The following ZNF536 variants were observed in gnomAD, a reference collection of about 807,000 sequenced individuals.
ZNF536 encodes zinc finger protein 536.
A neutral mutation model predicts 84.5 loss-of-function variants in ZNF536; 13 were observed. The observed-to-expected ratio is 0.15, with a 90% CI of 0.10 to 0.24. The LOEUF is 0.24. Among genes scored for constraint, ZNF536 ranks in the 10% least tolerant of loss-of-function variants. The probability of loss-of-function intolerance (pLI) is 1.00; values close to 1 mark genes in which losing one functional copy is unlikely to be tolerated. For synonymous variants in ZNF536, 811 were observed against 742.5 expected, an observed-to-expected ratio of 1.09 and a Z score of -1.50; for missense variants, 1,536 against 1,747.5, an observed-to-expected ratio of 0.88 and a Z score of 2.16.
rs137857853 is a variant in ZNF536, at chr19:30,686,654, C to T, written c.170-24103C>T. On this transcript the variant is annotated intron_variant, in intron 1 of 1. Coordinates refer to the ZNF536 transcript ENST00000592773. ...GGCGGGGAAGGAGCCCGCCGGCTCCCGCGGGCTGTCAGGTATCTGCGCGCG... is the reference window on the plus strand; with the variant it reads ...GGCGGGGAAGGAGCCCGCCGGCTCCTGCGGGCTGTCAGGTATCTGCGCGCG... Among the ~76,000 whole-genome samples, 1,113 of 152,282 alleles carry T rather than the reference C, an allele frequency of 7.3e-3. 10 individuals carry two copies. Among genetic ancestry groups the T allele is most frequent in the African/African-American group, 0.025 (1,048 of 41,572 alleles).
At chr19:30,533,602 G>A (rs757206468) in intron 2 of ZNF536, among the ~76,000 whole-genome samples, 1 of 152,144 alleles carries the variant, frequency 6.6e-6, no homozygotes. Flanking sequence ...TGTTAGCAGA[G>A]AACACCAGGA....
At chr19:30,432,759 T>C (rs573500063) in intron 1 of ZNF536, among the ~76,000 whole-genome samples, 1 of 152,318 alleles carries the variant, frequency 6.6e-6, no homozygotes, top group South Asian at 2.1e-4. Flanking sequence ...CTGCCTTTTC[T>C]AGCTGCGCAT....
chr19:30,624,128 G>A (rs1280481047), intron 1 of ZNF536, among the ~76,000 whole-genome samples: 1 of 152,102 alleles, frequency 6.6e-6, no homozygotes, highest in African/African-American at 2.4e-5. Context: ...TGCCTTGGGA[G>A]CCCTATAATA....
intron 1 of ZNF536, among the ~76,000 whole-genome samples, chr19:30,696,973 C>T (rs1291005162): frequency 6.6e-6 from 1 of 152,154 alleles, no homozygotes; most frequent in Non-Finnish European, 1.5e-5. Flanking sequence ...TGTGCTAGTC[C>T]ATTCTCACAC....
intron 2 of ZNF536, among the ~76,000 whole-genome samples, chr19:30,524,814 G>T (rs2044509193): frequency 6.6e-6 from 1 of 151,880 alleles, no homozygotes; most frequent in Admixed American, 6.6e-5. Flanking sequence ...CATCTTTTGG[G>T]AATTTATGCT....
At chr19:30,294,004 G>C (rs951890328) in intron 2 of ZNF536, among the ~76,000 whole-genome samples, 2 of 152,138 alleles carry the variant, frequency 1.3e-5, no homozygotes, top group African/African-American at 4.8e-5. Flanking sequence ...GTTGGTCTCT[G>C]CCTGCCTGGT....
chr19:30,231,787 A>C (rs1224608283), intron 1 of ZNF536, among the ~76,000 whole-genome samples: 2 of 151,698 alleles, frequency 1.3e-5, no homozygotes, highest in Non-Finnish European at 2.9e-5. Context: ...TGTGCTGGTG[A>C]TGGTGGTGGT....
intron 2 of ZNF536, among the ~76,000 whole-genome samples, chr19:30,348,930 A>G (rs1910078640): frequency 1.3e-5 from 2 of 152,116 alleles, no homozygotes; most frequent in Admixed American, 1.3e-4. Flanking sequence ...TGTATGAATC[A>G]AACACAATCC....
At chr19:30,542,809 A>T (rs2080836695) in intron 3 of ZNF536, among the ~76,000 whole-genome samples, 1 of 152,142 alleles carries the variant, frequency 6.6e-6, no homozygotes. Flanking sequence ...CCTCATAGAT[A>T]TGACACTTTT....
intron 3 of ZNF536, among the ~76,000 whole-genome samples, chr19:30,366,598 ATC>A (rs1321154165): frequency 6.7e-5 from 10 of 148,758 alleles, no homozygotes; most frequent in Non-Finnish European, 1.2e-4. Context: ...CTATCTATCT[ATC>A]TATCTATCTA....
intron 1 of ZNF536, among the ~76,000 whole-genome samples, chr19:30,432,034 C>G (rs2051494574): frequency 6.7e-6 from 1 of 149,122 alleles, no homozygotes. Flanking sequence ...CACACACACA[C>G]AGGCACGCAC....
At chr19:30,297,984 G>A (rs549774857) in intron 2 of ZNF536, among the ~76,000 whole-genome samples, 1 of 151,010 alleles carries the variant, frequency 6.6e-6, no homozygotes, top group African/African-American at 2.5e-5. Flanking sequence ...AGGTTCAAAG[G>A]ATTCTCCTGC....
intron 2 of ZNF536, among the ~76,000 whole-genome samples, chr19:30,453,315 G>A (rs1037950296): frequency 2.0e-5 from 3 of 152,176 alleles, no homozygotes; most frequent in African/African-American, 4.8e-5. Flanking sequence ...GGTCTACCTC[G>A]GGGTGCATGT....
At chr19:30,567,034 G>T (rs2046377225) in intron 1 of ZNF536, among the ~76,000 whole-genome samples, 1 of 151,832 alleles carries the variant, frequency 6.6e-6, no homozygotes, top group African/African-American at 2.4e-5. Context: ...GGTAGTGGCG[G>T]TTCCTGGGAG....
At chr19:30,250,722 T>C (rs1187666539) in intron 1 of ZNF536, among the ~76,000 whole-genome samples, 1 of 152,104 alleles carries the variant, frequency 6.6e-6, no homozygotes. Flanking sequence ...CTAAGACAAC[T>C]ACGATTCCTC....
chr19:30,442,354 G>A (rs924658996), intron 1 of ZNF536, among the ~76,000 whole-genome samples: 4 of 152,212 alleles, frequency 2.6e-5, no homozygotes, highest in South Asian at 2.1e-4. Flanking sequence ...AGCTTTGAAC[G>A]ATAGTGTTTA....
intron 1 of ZNF536, among the ~76,000 whole-genome samples, chr19:30,650,555 A>G (rs58777710): frequency 0.03 from 4,625 of 152,320 alleles, 225 homozygotes; most frequent in African/African-American, 0.11. Flanking sequence ...GCCGATGAGC[A>G]TTTCTGTAAA....
intron 2 of ZNF536, among the ~76,000 whole-genome samples, chr19:30,326,718 A>G (rs1013102140): frequency 2.3e-5 from 3 of 128,530 alleles, no homozygotes; most frequent in African/African-American, 8.8e-5. Context: ...GAAGAGAAGG[A>G]TTTGCTGTAC....
At chr19:30,624,289 A>G (rs946972667) in intron 1 of ZNF536, among the ~76,000 whole-genome samples, 2 of 152,158 alleles carry the variant, frequency 1.3e-5, no homozygotes, top group Non-Finnish European at 1.5e-5. Context: ...AGCTTTTAGC[A>G]TCTGTCTCCA....
Sources: allele counts gnomAD v4.1 joint callset (sites outside exome capture counted in the v4.1 genomes callset), GRCh38; gene constraint gnomAD v4.1.1; transcripts MANE v1.5; gene names NCBI Gene and HGNC (gene_info 2026-07-23, HGNC 2026-07-21).